PDE8A: variants seen among roughly 807,000 people sequenced by gnomAD.
PDE8A encodes the protein high affinity cAMP-specific and IBMX-insensitive 3',5'-cyclic phosphodiesterase 8A.
Under a neutral mutation model 105.0 loss-of-function variants are expected in PDE8A, and 59 were observed. The observed-to-expected ratio is 0.56, with a 90% CI of 0.46 to 0.70. The LOEUF is 0.70. Ranked by LOEUF, PDE8A falls within the 30% of genes least tolerant of loss-of-function variation. The pLI, the probability that PDE8A is intolerant of heterozygous loss-of-function variation, is 0.00. For missense variants in PDE8A, 1,014 were observed against 1,045.9 expected, an observed-to-expected ratio of 0.97 and a Z score of 0.42; for synonymous variants, 355 against 371.9, an observed-to-expected ratio of 0.95 and a Z score of 0.52.
chr15:85,114,838 TG>T (rs963019929), intron 14 of PDE8A, among the ~76,000 whole-genome samples: 1 of 151,612 alleles, frequency 6.6e-6, no homozygotes, highest in African/African-American at 2.4e-5. Flanking sequence ...TGATGAGGGA[TG>T]GGGGTAGGAT....
chr15:85,061,560 C>G (rs1489498019), intron 1 of PDE8A, among the ~76,000 whole-genome samples: 2 of 152,140 alleles, frequency 1.3e-5, no homozygotes, highest in Non-Finnish European at 2.9e-5. Flanking sequence ...TCAAGATTCT[C>G]TTTTTGTCTT....
chr15:85,009,188 G>T (rs932407932), intron 1 of PDE8A, among the ~76,000 whole-genome samples: 1 of 151,826 alleles, frequency 6.6e-6, no homozygotes, highest in Non-Finnish European at 1.5e-5. Flanking sequence ...AAGGGTATAA[G>T]AGCTAGGTAA....
At chr15:85,004,125 T>G (rs1011436) in intron 1 of PDE8A, among the ~76,000 whole-genome samples, 2 of 152,092 alleles carry the variant, frequency 1.3e-5, no homozygotes, top group African/African-American at 4.8e-5. Flanking sequence ...TGAGTTTCAG[T>G]AGCCAGCAAG....
intron 1 of PDE8A, among the ~76,000 whole-genome samples, chr15:84,992,293 G>A (rs1217328499): frequency 1.3e-5 from 2 of 152,094 alleles, no homozygotes; most frequent in Non-Finnish European, 2.9e-5. Context: ...GGAAAGGAGG[G>A]AGAGGTTTGA....
chr15:85,105,901 C>A (rs1443800779), intron 11 of PDE8A, among the ~76,000 whole-genome samples: 1 of 152,152 alleles, frequency 6.6e-6, no homozygotes, highest in Non-Finnish European at 1.5e-5. Flanking sequence ...TTGGTGTTCC[C>A]TGAGGAGAGC....
At chr15:85,056,530 A>G (rs2081062605) in intron 1 of PDE8A, among the ~76,000 whole-genome samples, 1 of 151,750 alleles carries the variant, frequency 6.6e-6, no homozygotes, top group South Asian at 2.1e-4. Context: ...TTTTCTCTAA[A>G]CTTCTCTTCT....
intron 5 of PDE8A, among the ~76,000 whole-genome samples, chr15:85,077,014 C>A (rs1447100681): frequency 6.6e-6 from 1 of 151,966 alleles, no homozygotes; most frequent in East Asian, 1.9e-4. Context: ...GAACCTGCCT[C>A]AATCGTACTT....
chr15:85,108,072 T>C (rs910131129), intron 11 of PDE8A, among the ~76,000 whole-genome samples: 11 of 152,018 alleles, frequency 7.2e-5, no homozygotes, highest in African/African-American at 2.2e-4. Flanking sequence ...CAGGTAAGGA[T>C]TGAGTTGTAG....
intron 1 of PDE8A, among the ~76,000 whole-genome samples, chr15:84,983,913 A>T (rs16974673): frequency 0.085 from 12,888 of 152,306 alleles, 1,493 homozygotes; most frequent in African/African-American, 0.27. Flanking sequence ...CTCTTGTGCT[A>T]TCGCAGTGCC....
chr15:85,091,345 C>G (rs1002651137), intron 8 of PDE8A, among the ~76,000 whole-genome samples, 164 bp downstream of exon 8: 1 of 152,172 alleles, frequency 6.6e-6, no homozygotes, highest in African/African-American at 2.4e-5. Flanking sequence ...GGTGAGGAAA[C>G]TGGGGCCAAG....
At chr15:85,114,073 G>C in intron 14 of PDE8A, 36 bp downstream of exon 14, 1 of 1,574,234 alleles carries the variant, frequency 6.4e-7, no homozygotes, top group Non-Finnish European at 8.7e-7. Context: ...GCTAGAGCCT[G>C]TCTGTTCTTG....
At chr15:85,118,498 A>G (rs1469418187) in intron 17 of PDE8A, among the ~76,000 whole-genome samples, 3 of 152,174 alleles carry the variant, frequency 2.0e-5, no homozygotes, top group Non-Finnish European at 4.4e-5. Flanking sequence ...CCTGCCTCCC[A>G]TGGAATGCCC....
chr15:85,046,237 C>T (rs2080885833), intron 1 of PDE8A, among the ~76,000 whole-genome samples: 1 of 151,960 alleles, frequency 6.6e-6, no homozygotes, highest in South Asian at 2.1e-4. Flanking sequence ...TTAGTAGAGA[C>T]AGGGTTTTAC....
intron 1 of PDE8A, among the ~76,000 whole-genome samples, chr15:84,992,074 G>A (rs2079894301): frequency 6.6e-6 from 1 of 152,210 alleles, no homozygotes; most frequent in Non-Finnish European, 1.5e-5. Context: ...GGCAAATAAA[G>A]TTTATTTTAA....
intron 1 of PDE8A, among the ~76,000 whole-genome samples, chr15:85,052,016 C>A (rs1377960545): frequency 6.6e-6 from 1 of 151,670 alleles, no homozygotes; most frequent in African/African-American, 2.4e-5. Context: ...TGTTCCTCAC[C>A]CTGTGTCCAA....
chr15:85,005,608 A>G (rs2080133773), intron 1 of PDE8A, among the ~76,000 whole-genome samples: 1 of 152,180 alleles, frequency 6.6e-6, no homozygotes, highest in African/African-American at 2.4e-5. Context: ...GTATTTAGGG[A>G]CTATTGCTTA....
intron 1 of PDE8A, among the ~76,000 whole-genome samples, chr15:85,038,221 GT>G (rs1555468941): frequency 5.5e-3 from 68 of 12,262 alleles, no homozygotes; most frequent in Non-Finnish European, 0.012. Flanking sequence ...TGGGGGGTGT[GT>G]GTGTGTGTGT....
At chr15:85,024,758 A>C (rs2080486070) in intron 1 of PDE8A, among the ~76,000 whole-genome samples, 1 of 152,188 alleles carries the variant, frequency 6.6e-6, no homozygotes. Flanking sequence ...GTGCCAGGCA[A>C]AAATTCGGAC....
intron 15 of PDE8A, 179 bp downstream of exon 15, chr15:85,115,666 G>A (rs887235284): frequency 3.8e-5 from 21 of 548,392 alleles, no homozygotes; most frequent in East Asian, 6.4e-5. Flanking sequence ...AATCCTGGCC[G>A]GGAGCGGTGG....
Sources: gnomAD v4.1 joint callset for allele counts (sites outside exome capture counted in the v4.1 genomes callset) on GRCh38, gnomAD v4.1.1 for gene constraint, MANE v1.5 for transcripts, NCBI Gene and HGNC (gene_info 2026-07-23, HGNC 2026-07-21) for gene names.